CCDC102B: variants seen among roughly 807,000 people sequenced by gnomAD.
CCDC102B encodes the protein coiled-coil domain-containing protein 102B.
Under a neutral mutation model 57.4 loss-of-function variants are expected in CCDC102B, and 75 were observed. That is an observed-to-expected ratio of 1.31 (90% confidence interval 1.08 to 1.58). CCDC102B has a LOEUF of 1.58. Among genes scored for constraint, CCDC102B ranks in the 40% most tolerant of loss-of-function variants. The pLI is 0.00. For synonymous variants in CCDC102B, 206 were observed against 201.9 expected, an observed-to-expected ratio of 1.02 and a Z score of -0.17; for missense variants, 636 against 582.6, an observed-to-expected ratio of 1.09 and a Z score of -0.94.
chr18:68,763,415 TA>T (rs1435684548), intron 2 of CCDC102B, among the ~76,000 whole-genome samples: 1 of 152,086 alleles, frequency 6.6e-6, no homozygotes, highest in Non-Finnish European at 1.5e-5. Flanking sequence ...GAGGAGAGGA[TA>T]AAAGAGTCAA....
chr18:68,878,889 A>G (rs963013584), intron 5 of CCDC102B, among the ~76,000 whole-genome samples: 1 of 152,178 alleles, frequency 6.6e-6, no homozygotes, highest in Non-Finnish European at 1.5e-5. Context: ...TCAAGAATGA[A>G]GCCACGGACC....
chr18:68,833,575 G>T (rs962327764), intron 1 of CCDC102B, among the ~76,000 whole-genome samples: 20 of 151,972 alleles, frequency 1.3e-4, no homozygotes, highest in African/African-American at 4.8e-4. Flanking sequence ...TTTAATAGAA[G>T]AATTCAATGA....
chr18:68,781,410 A>C (rs1212656599), intron 2 of CCDC102B, among the ~76,000 whole-genome samples: 2 of 152,084 alleles, frequency 1.3e-5, no homozygotes, highest in Non-Finnish European at 2.9e-5. Flanking sequence ...ATTTTATTAG[A>C]TTAGTTATTT....
At chr18:68,945,699 G>T (rs2049520603) in intron 6 of CCDC102B, among the ~76,000 whole-genome samples, 1 of 152,068 alleles carries the variant, frequency 6.6e-6, no homozygotes, top group Admixed American at 6.6e-5. Flanking sequence ...CAGCAGTAAA[G>T]CAATTTGTCC....
intron 6 of CCDC102B, among the ~76,000 whole-genome samples, chr18:68,997,841 ATT>A (rs199594644): frequency 0.06 from 2,342 of 38,904 alleles, 34 homozygotes; most frequent in Non-Finnish European, 0.23. Context: ...ATCATTTATC[ATT>A]TAATAATATG....
At chr18:68,807,207 A>G (rs915610186) in intron 1 of CCDC102B, among the ~76,000 whole-genome samples, 1 of 152,152 alleles carries the variant, frequency 6.6e-6, no homozygotes, top group African/African-American at 2.4e-5. Flanking sequence ...GGTGGCCTCT[A>G]GAAACAACTG....
intron 6 of CCDC102B, among the ~76,000 whole-genome samples, chr18:68,987,723 A>T (rs1035012669): frequency 6.6e-6 from 1 of 152,180 alleles, no homozygotes; most frequent in African/African-American, 2.4e-5. Context: ...TTCCATCAAA[A>T]AGTGGGCAAA....
chr18:68,785,315 T>A (rs1329262311), intron 2 of CCDC102B, among the ~76,000 whole-genome samples: 1 of 152,154 alleles, frequency 6.6e-6, no homozygotes, highest in Non-Finnish European at 1.5e-5. Flanking sequence ...TATAGCAGCA[T>A]GATTTATAGT....
chr18:68,931,234 G>T (rs1466886655), intron 6 of CCDC102B, among the ~76,000 whole-genome samples: 1 of 151,848 alleles, frequency 6.6e-6, no homozygotes, highest in Non-Finnish European at 1.5e-5. Flanking sequence ...TTTGTCAACT[G>T]CTGGATTCTC....
At chr18:68,726,398 G>A (rs897565492) in intron 2 of CCDC102B, among the ~76,000 whole-genome samples, 9 of 152,178 alleles carry the variant, frequency 5.9e-5, no homozygotes, top group African/African-American at 1.7e-4. Flanking sequence ...ACCTGCAGGC[G>A]TGTTTGTGTC....
Position 68,974,781 on chromosome 18 carries a change from G to A in CCDC102B, c.1264-36153G>A, listed in dbSNP as rs138410185. ...TAAATTTAAACTTTATAATAAAAAA[G>A]TGAAGAGGTAGAATTATGATCCAGG... is the stretch of plus-strand genomic sequence containing the variant. On this transcript the variant is annotated intron_variant, in intron 6 of 7. Coordinates refer to ENST00000360242, the MANE Select transcript of CCDC102B (RefSeq NM_024781.3). Among the ~76,000 whole-genome samples, 73 of 151,874 alleles carry A rather than the reference G, an allele frequency of 4.8e-4. 1 individual carries two copies. In the East Asian group the frequency reaches 0.013, roughly 27 times the overall value.
intron 6 of CCDC102B, among the ~76,000 whole-genome samples, chr18:68,961,748 A>C (rs1419812846): frequency 6.6e-6 from 1 of 152,032 alleles, no homozygotes; most frequent in Non-Finnish European, 1.5e-5. Context: ...TGCTTGTGAA[A>C]TTATGTATTT....
intron 1 of CCDC102B, among the ~76,000 whole-genome samples, chr18:68,817,248 G>T (rs1159302329): frequency 2.6e-5 from 4 of 152,182 alleles, no homozygotes; most frequent in African/African-American, 9.7e-5. Context: ...TTTGAATGCA[G>T]GTTTGTTTTC....
chr18:68,784,283 C>T (rs983079915), intron 2 of CCDC102B, among the ~76,000 whole-genome samples: 61 of 152,148 alleles, frequency 4.0e-4, no homozygotes, highest in African/African-American at 1.4e-3. Flanking sequence ...GTGAGTGAGG[C>T]GTCTCACATG....
intron 6 of CCDC102B, among the ~76,000 whole-genome samples, chr18:68,916,373 A>G (rs4243307): frequency 0.92 from 140,302 of 152,190 alleles, 64,729 homozygotes; most frequent in East Asian, 0.98. Context: ...AGCTCACTCC[A>G]TGATCACTCA....
At chr18:68,757,164 T>C (rs951556796) in intron 2 of CCDC102B, among the ~76,000 whole-genome samples, 4 of 152,168 alleles carry the variant, frequency 2.6e-5, no homozygotes, top group African/African-American at 7.2e-5. Flanking sequence ...TTCTGAACTT[T>C]TTTCTCCTTA....
At chr18:68,952,789 T>A (rs1418893762) in intron 6 of CCDC102B, among the ~76,000 whole-genome samples, 1 of 152,194 alleles carries the variant, frequency 6.6e-6, no homozygotes, top group African/African-American at 2.4e-5. Flanking sequence ...CAAAAACTGT[T>A]ACACATTGTT....
chr18:68,866,068 A>G (rs1347624311), intron 4 of CCDC102B, among the ~76,000 whole-genome samples: 1 of 152,204 alleles, frequency 6.6e-6, no homozygotes, highest in Non-Finnish European at 1.5e-5. Context: ...TAATTGAAAA[A>G]AAGTTCATCT....
At chr18:68,990,928 C>T (rs1224770184) in intron 6 of CCDC102B, among the ~76,000 whole-genome samples, 2 of 152,046 alleles carry the variant, frequency 1.3e-5, no homozygotes, top group Non-Finnish European at 2.9e-5. Flanking sequence ...ATCTTTCTTG[C>T]CATTCCTCTA....
Sources: gnomAD v4.1 joint callset for allele counts (sites outside exome capture counted in the v4.1 genomes callset) on GRCh38, gnomAD v4.1.1 for gene constraint, MANE v1.5 for transcripts, NCBI Gene and HGNC (gene_info 2026-07-23, HGNC 2026-07-21) for gene names.